The following DOCK3 variants were observed in gnomAD, a reference collection of about 807,000 sequenced individuals.
DOCK3 encodes dedicator of cytokinesis 3, also known as dedicator of cytokinesis protein 3.
Under a neutral mutation model 265.6 loss-of-function variants are expected in DOCK3, and 60 were observed. The ratio of observed to expected loss-of-function variants is 0.23; its 90% CI spans 0.18 to 0.28. The LOEUF (loss-of-function observed/expected upper bound fraction) is 0.28, where lower values mean the gene tolerates loss of function less well. DOCK3 is among the 10% of genes least tolerant of loss of function. The pLI, the probability that DOCK3 is intolerant of heterozygous loss-of-function variation, is 1.00. For synonymous variants in DOCK3, 881 were observed against 938.0 expected, an observed-to-expected ratio of 0.94 and a Z score of 1.11; for missense variants, 1,981 against 2,594.3, an observed-to-expected ratio of 0.76 and a Z score of 5.14.
chr3:50,822,186 T>A (rs2044478597), intron 2 of DOCK3, among the ~76,000 whole-genome samples: 1 of 152,148 alleles, frequency 6.6e-6, no homozygotes, highest in Non-Finnish European at 1.5e-5. Context: ...CTTTCAGCCG[T>A]ATTTTGTAGT....
chr3:50,837,785 G>T (rs1399845956), intron 2 of DOCK3, among the ~76,000 whole-genome samples: 1 of 152,184 alleles, frequency 6.6e-6, no homozygotes. Context: ...GAAGGGGTTT[G>T]GGGAGGGGAA....
At chr3:50,856,823 A>T (rs889158197) in intron 3 of DOCK3, among the ~76,000 whole-genome samples, 1 of 152,142 alleles carries the variant, frequency 6.6e-6, no homozygotes, top group Admixed American at 6.5e-5. Flanking sequence ...TGGGTTTGTC[A>T]TCTATGGCTC....
At chr3:51,347,317 G>A (rs1023288857) in intron 38 of DOCK3, among the ~76,000 whole-genome samples, 25 of 152,172 alleles carry the variant, frequency 1.6e-4, no homozygotes, top group South Asian at 1.0e-3. Context: ...ATTTTTGTAC[G>A]AGGTGTAAGG....
intron 1 of DOCK3, among the ~76,000 whole-genome samples, chr3:50,732,727 G>A (rs2125366): frequency 0.91 from 137,845 of 152,244 alleles, 62,564 homozygotes; most frequent in African/African-American, 0.95. Context: ...AATGAATTAC[G>A]TATTTCTATG....
At chr3:51,061,892 A>C (rs1056015019) in intron 5 of DOCK3, among the ~76,000 whole-genome samples, 7 of 152,056 alleles carry the variant, frequency 4.6e-5, no homozygotes, top group African/African-American at 1.7e-4. Flanking sequence ...CCAAAATTAA[A>C]CTTAGTTTCC....
intron 7 of DOCK3, among the ~76,000 whole-genome samples, chr3:51,083,105 ATCT>A (rs2082299428): frequency 6.6e-6 from 1 of 152,084 alleles, no homozygotes; most frequent in Non-Finnish European, 1.5e-5. Flanking sequence ...AGCCCATCTG[ATCT>A]TCTTGTTCCT....
chr3:50,877,709 G>A, intron 3 of DOCK3: 1 of 353,942 alleles, frequency 2.8e-6, no homozygotes, highest in Non-Finnish European at 5.5e-6. Flanking sequence ...GAGTCTCGCT[G>A]TGTCACCAGG....
intron 1 of DOCK3, among the ~76,000 whole-genome samples, chr3:50,676,151 T>C (rs2033940866): frequency 6.6e-6 from 1 of 152,220 alleles, no homozygotes; most frequent in Non-Finnish European, 1.5e-5. Flanking sequence ...GGTTTTGTTT[T>C]TCCTAAGCTC....
At chr3:51,229,656 G>A (rs1307749893) in intron 19 of DOCK3, 47 bp downstream of exon 19, 1 of 1,408,406 alleles carries the variant, frequency 7.1e-7, no homozygotes, top group South Asian at 1.6e-5. Flanking sequence ...GAAGAATCTG[G>A]GCAGAAGACC....
chr3:51,214,108 T>A lies in DOCK3; in HGVS notation c.1127-14T>A. On this transcript the variant is annotated splice_polypyrimidine_tract_variant and intron_variant, in intron 13 of 52. Coordinates refer to ENST00000266037, the MANE Select transcript of DOCK3 (RefSeq NM_004947.5). ...TAGAACTGTGGTTCTAAGAAAATGC[T>A]TTTGTTTTTGCAGGTCTTATCATTT... 1 of 1,613,622 alleles carries A rather than the reference T, an allele frequency of 6.2e-7. No homozygotes were observed. The highest frequency in any genetic ancestry group is 8.5e-7 in the Non-Finnish European group (1 of 1,179,704).
intron 3 of DOCK3, among the ~76,000 whole-genome samples, chr3:50,865,918 A>G (rs1176630790): frequency 1.3e-5 from 2 of 152,110 alleles, no homozygotes; most frequent in Non-Finnish European, 2.9e-5. Context: ...GTTGAGTACC[A>G]TTTCATATGC....
Position 51,375,801 on chromosome 3 carries a change from C to T in DOCK3, c.5466C>T (p.Pro1822=), listed in dbSNP as rs776100732. ...AGCAAGTGGTCGGAGCCTGCAAACC[C>T]TGCAGTGATCCCAATCTGTCTGTGG... ...LFQQVVGACK[P]CSDPNLSVAE... The change falls in exon 51 of 53, where the codon CCC becomes CCT. Residue 1822 remains proline (P), a synonymous_variant. Coordinates refer to ENST00000266037, the MANE Select transcript of DOCK3 (RefSeq NM_004947.5). The T allele has an allele frequency of 3.2e-5, 52 of 1,613,898 alleles. 1 individual carries two copies. The South Asian group carries it at 3.7e-4, about 12-fold the overall frequency.
chr3:51,144,937 G>C (rs539193422), intron 9 of DOCK3, among the ~76,000 whole-genome samples: 1 of 152,256 alleles, frequency 6.6e-6, no homozygotes, highest in South Asian at 2.1e-4. Flanking sequence ...TTTACAGTTG[G>C]TAGTAAATCT....
chr3:50,868,936 A>G (rs558343899), intron 3 of DOCK3, among the ~76,000 whole-genome samples: 38 of 58,934 alleles, frequency 6.4e-4, no homozygotes, highest in African/African-American at 2.6e-3. Flanking sequence ...TGGTCTGACT[A>G]AAAGTTTGTC....
chr3:51,097,362 G>A (rs368340209), intron 9 of DOCK3, among the ~76,000 whole-genome samples: 73 of 152,298 alleles, frequency 4.8e-4, no homozygotes, highest in African/African-American at 1.7e-3. Context: ...GAGCGCAGTG[G>A]GCTCCACCCA....
At chr3:50,807,132 C>T (rs1251449349) in intron 2 of DOCK3, among the ~76,000 whole-genome samples, 1 of 152,140 alleles carries the variant, frequency 6.6e-6, no homozygotes, top group African/African-American at 2.4e-5. Context: ...TGGCATTCCA[C>T]TTTTCTTTCT....
intron 9 of DOCK3, among the ~76,000 whole-genome samples, chr3:51,133,115 G>C (rs2084634857): frequency 6.6e-6 from 1 of 152,200 alleles, no homozygotes; most frequent in African/African-American, 2.4e-5. Context: ...GTGAGGCTGA[G>C]AGTGTGACCC....
At chr3:50,775,890 T>A (rs1441139599) in intron 1 of DOCK3, among the ~76,000 whole-genome samples, 10 of 152,170 alleles carry the variant, frequency 6.6e-5, no homozygotes, top group Non-Finnish European at 1.3e-4. Flanking sequence ...TCCAGCTCCA[T>A]CCAAGTTGCT....
chr3:51,065,454 G>T (rs1309955335), intron 6 of DOCK3, among the ~76,000 whole-genome samples: 1 of 152,170 alleles, frequency 6.6e-6, no homozygotes, highest in African/African-American at 2.4e-5. Context: ...ATTATATGTG[G>T]AGGAAACCTT....
Sources: gnomAD v4.1 joint callset for allele counts (sites outside exome capture counted in the v4.1 genomes callset) on GRCh38, gnomAD v4.1.1 for gene constraint, MANE v1.5 for transcripts, NCBI Gene and HGNC (gene_info 2026-07-23, HGNC 2026-07-21) for gene names.